Variants in EGFR observed in about 807,000 individuals in gnomAD.
EGFR encodes the protein avian erythroblastic leukemia viral (v-erb-b) oncogene homolog.
A neutral mutation model predicts 143.0 loss-of-function variants in EGFR; 58 were observed. The observed-to-expected ratio is 0.41, with a 90% CI of 0.33 to 0.50. EGFR has a LOEUF of 0.50. EGFR is among the 20% of genes least tolerant of loss of function. The pLI, the probability that EGFR is intolerant of heterozygous loss-of-function variation, is 0.39. For missense variants in EGFR, 1,307 were observed against 1,579.0 expected (o/e 0.83, Z 2.92); for synonymous variants, 613 against 594.4 (o/e 1.03, Z -0.45).
intron 1 of EGFR, among the ~76,000 whole-genome samples, chr7:55,028,009 TATATATATATATATATAC>T (rs1164208368): frequency 0.04 from 5,352 of 133,740 alleles, 184 homozygotes; most frequent in South Asian, 0.1. Flanking sequence ...TATATATATA[TATATATATATATATATAC>T]ACACACACAC....
chr7:55,020,183 C>A (rs1002684217), intron 1 of EGFR, among the ~76,000 whole-genome samples: 2 of 152,218 alleles, frequency 1.3e-5, no homozygotes, highest in Non-Finnish European at 2.9e-5. Flanking sequence ...TCGCCCGGTG[C>A]GCCCTCGTCT....
chr7:55,087,881 T>C (rs1414716255), intron 1 of EGFR, among the ~76,000 whole-genome samples: 1 of 152,110 alleles, frequency 6.6e-6, no homozygotes, highest in Non-Finnish European at 1.5e-5. Flanking sequence ...CCTTTTGGAG[T>C]TGCAGGCCAC....
chr7:55,101,987 G>A (rs565497867), intron 1 of EGFR, among the ~76,000 whole-genome samples: 84 of 152,258 alleles, frequency 5.5e-4, no homozygotes, highest in African/African-American at 1.9e-3. Context: ...ATCGAAGCTC[G>A]GCTCAGATCA....
At chr7:55,154,680 T>G (rs759978742) in intron 7 of EGFR, among the ~76,000 whole-genome samples, 3 of 152,232 alleles carry the variant, frequency 2.0e-5, no homozygotes, top group Non-Finnish European at 4.4e-5. Flanking sequence ...GGTTTGGGTT[T>G]GAGTTTTGCT....
intron 1 of EGFR, among the ~76,000 whole-genome samples, chr7:55,045,575 A>G (rs1235724064): frequency 1.3e-5 from 2 of 152,194 alleles, no homozygotes; most frequent in African/African-American, 2.4e-5. Context: ...GGGACCTCAG[A>G]GTCAGCTCCA....
intron 1 of EGFR, among the ~76,000 whole-genome samples, chr7:55,099,539 G>A (rs2128900188): frequency 6.6e-6 from 1 of 152,314 alleles, no homozygotes; most frequent in East Asian, 1.9e-4. Flanking sequence ...TCGGGAGCTG[G>A]TTGGAAAAGA....
intron 1 of EGFR, among the ~76,000 whole-genome samples, chr7:55,043,332 A>C (rs931320529): frequency 6.6e-6 from 1 of 152,158 alleles, no homozygotes; most frequent in Non-Finnish European, 1.5e-5. Flanking sequence ...AGTAGAGGTC[A>C]GGGATGGTGG....
intron 7 of EGFR, 102 bp downstream of exon 7, chr7:55,154,254 G>A (rs1323877701): frequency 6.4e-7 from 1 of 1,571,692 alleles, no homozygotes; most frequent in African/African-American, 1.4e-5. Flanking sequence ...TCTTTGGGTG[G>A]ATGTGTTTGC....
At chr7:55,031,372 T>C (rs1316409395) in intron 1 of EGFR, among the ~76,000 whole-genome samples, 4 of 152,246 alleles carry the variant, frequency 2.6e-5, no homozygotes, top group Non-Finnish European at 5.9e-5. Flanking sequence ...AACAAAAATC[T>C]ACCTGGCCAA....
chr7:55,109,707 T>C, intron 1 of EGFR: 1 of 984,768 alleles, frequency 1.0e-6, no homozygotes, highest in Non-Finnish European at 1.2e-6. Flanking sequence ...AACTTTTGAC[T>C]CACAGGACAA....
chr7:55,206,115 G>A lies in EGFR; in HGVS notation c.*498G>A, dbSNP rs1387090752. On this transcript the variant is annotated 3_prime_UTR_variant, in exon 28 of 28. Coordinates refer to ENST00000275493, the MANE Select transcript of EGFR (RefSeq NM_005228.5). ...TTGATTCCAGTGGTTCTGCTTCAAG[G>A]CTTCCACTGCAAAACACTAAAGATC... 1.9e-5 allele frequency: 6 copies of A among 308,066 alleles called. No homozygotes were observed. Among genetic ancestry groups the A allele is most frequent in the East Asian group, 1.0e-4 (2 of 19,170 alleles). 19.1% of individuals were successfully genotyped at this position (308,066 alleles called of 1,614,324 possible).
chr7:55,093,165 G>C (rs921934784), intron 1 of EGFR, among the ~76,000 whole-genome samples: 2 of 152,292 alleles, frequency 1.3e-5, no homozygotes, highest in African/African-American at 2.4e-5. Flanking sequence ...TCAGGGGTCC[G>C]CTGGGTTCCT....
intron 1 of EGFR, among the ~76,000 whole-genome samples, chr7:55,138,898 A>G (rs1035843197): frequency 6.6e-6 from 1 of 152,160 alleles, no homozygotes; most frequent in African/African-American, 2.4e-5. Context: ...GTGTCAATCT[A>G]TGGTGGAAGG....
At chr7:55,200,525 T>G (rs1396832349) in intron 24 of EGFR, 112 bp downstream of exon 24, 2 of 1,092,622 alleles carry the variant, frequency 1.8e-6, no homozygotes, top group Non-Finnish European at 2.8e-6. Flanking sequence ...GATCGCATTA[T>G]TAAACCCTCC....
intron 1 of EGFR, among the ~76,000 whole-genome samples, chr7:55,097,168 GC>G (rs1321804050): frequency 6.6e-6 from 1 of 152,150 alleles, no homozygotes; most frequent in Admixed American, 6.5e-5. Flanking sequence ...CAGTTCCACG[GC>G]CCAGGAATCT....
chr7:55,168,441 A>G lies in EGFR; in HGVS notation c.1881-2734A>G. 3.3e-6 allele frequency: 3 copies of G among 912,108 alleles called. No individual in the cohort carries two copies. In the South Asian group the frequency reaches 4.0e-5, roughly 12 times the overall value. The allele number at this position is 912,108 out of a possible 1,614,324, so 56.5% of individuals were successfully genotyped here. On this transcript the variant is annotated intron_variant, in intron 15 of 27. Coordinates refer to ENST00000275493, the MANE Select transcript of EGFR (RefSeq NM_005228.5). Reference sequence around the variant, plus strand: ...CTTTGTATAAGAAATAGTTTGCCAAATATAGAAAGAGGGGATTTAGTCAAG... The same window carrying G: ...CTTTGTATAAGAAATAGTTTGCCAAGTATAGAAAGAGGGGATTTAGTCAAG...
In EGFR at chr7:55,153,924, G is replaced by C. The variant is rs970367096; in HGVS notation, c.748-87G>C. On this transcript the variant is annotated intron_variant, in intron 6 of 27. Transcript: ENST00000275493. ...AAGACAGTAACTTGGGCTTTCTGAC[G>C]GGAGTCAACACCGTGCTGCGCTTCC... 4.4e-6 allele frequency: 7 copies of C among 1,592,102 alleles called. No homozygotes were observed. The South Asian group carries it at 4.4e-5, about 10-fold the overall frequency.
At chr7:55,160,365 A>C in intron 12 of EGFR, 27 bp downstream of exon 12, 2 of 1,608,544 alleles carry the variant, frequency 1.2e-6, no homozygotes, top group Non-Finnish European at 1.7e-6. Context: ...TGTTTAGTTT[A>C]TGGAGTTGGT....
chr7:55,091,427 C>A (rs1436628873), intron 1 of EGFR, among the ~76,000 whole-genome samples: 1 of 152,086 alleles, frequency 6.6e-6, no homozygotes, highest in East Asian at 1.9e-4. Flanking sequence ...GAATGAGAGG[C>A]GAAGCCATAG....
Sources: allele counts gnomAD v4.1 joint callset (sites outside exome capture counted in the v4.1 genomes callset), GRCh38; gene constraint gnomAD v4.1.1; transcripts MANE v1.5; gene names NCBI Gene and HGNC (gene_info 2026-07-23, HGNC 2026-07-21).